Variants in DNER observed in about 807,000 individuals in gnomAD.
DNER encodes delta/notch like EGF repeat containing.
In DNER, 33 loss-of-function variants were observed where a neutral mutation model predicts 78.2. The observed-to-expected ratio is 0.42, with a 90% CI of 0.32 to 0.56. The LOEUF (loss-of-function observed/expected upper bound fraction) is 0.56, where lower values mean the gene tolerates loss of function less well. Ranked by LOEUF, DNER falls within the 20% of genes least tolerant of loss-of-function variation. The probability of loss-of-function intolerance (pLI) is 0.11; values close to 1 mark genes in which losing one functional copy is unlikely to be tolerated. For missense variants in DNER, 918 were observed against 975.3 expected, an observed-to-expected ratio of 0.94 and a Z score of 0.78; for synonymous variants, 417 against 384.8, an observed-to-expected ratio of 1.08 and a Z score of -0.98.
intron 4 of DNER, among the ~76,000 whole-genome samples, chr2:229,574,389 G>A (rs1360680907): frequency 6.6e-6 from 1 of 152,070 alleles, no homozygotes; most frequent in African/African-American, 2.4e-5. Flanking sequence ...ATAGTACATT[G>A]ATTCAATGGA....
chr2:229,408,954 T>G (rs993729472), intron 9 of DNER, among the ~76,000 whole-genome samples: 2 of 152,214 alleles, frequency 1.3e-5, no homozygotes, highest in South Asian at 2.1e-4. Context: ...TCCCACTGCC[T>G]CGTGCCTGGT....
At chr2:229,709,563 C>A (rs1263706339) in intron 1 of DNER, among the ~76,000 whole-genome samples, 1 of 152,090 alleles carries the variant, frequency 6.6e-6, no homozygotes, top group East Asian at 1.9e-4. Context: ...GTTAGCAAAC[C>A]TCAGTCAAAA....
intron 10 of DNER, among the ~76,000 whole-genome samples, chr2:229,405,375 C>A (rs1335446579): frequency 1.3e-5 from 2 of 152,062 alleles, no homozygotes; most frequent in Non-Finnish European, 2.9e-5. Flanking sequence ...ATGTATTCTC[C>A]TGTACCCTGG....
intron 11 of DNER, among the ~76,000 whole-genome samples, chr2:229,368,951 A>T (rs901109650): frequency 5.9e-5 from 9 of 152,260 alleles, no homozygotes; most frequent in African/African-American, 2.2e-4. Context: ...CAATAAAGAA[A>T]TATGCAATAC....
intron 4 of DNER, among the ~76,000 whole-genome samples, chr2:229,557,111 G>A (rs538835547): frequency 1.2e-4 from 19 of 152,252 alleles, no homozygotes; most frequent in African/African-American, 4.6e-4. Flanking sequence ...CCCTTACAAA[G>A]GGGCAGCAGG....
chr2:229,556,397 A>G (rs1256083758), intron 4 of DNER, among the ~76,000 whole-genome samples: 2 of 152,234 alleles, frequency 1.3e-5, no homozygotes, highest in Non-Finnish European at 2.9e-5. Context: ...TTCAGAATCT[A>G]TAGTCTTGGA....
At chr2:229,508,411 T>A (rs994369620) in intron 6 of DNER, among the ~76,000 whole-genome samples, 1 of 152,182 alleles carries the variant, frequency 6.6e-6, no homozygotes, top group Non-Finnish European at 1.5e-5. Context: ...TATATGGCAG[T>A]CAAGAACTCC....
At chr2:229,517,600 T>C (rs577104914) in intron 5 of DNER, among the ~76,000 whole-genome samples, 2 of 151,990 alleles carry the variant, frequency 1.3e-5, no homozygotes, top group African/African-American at 4.8e-5. Flanking sequence ...GTCGCTAGAG[T>C]ATAGCAAATA....
At position 229,714,466 on chromosome 2, in the gene DNER, A is replaced by ACGG. The variant is rs1252044036; in HGVS notation, c.-46_-44dup. 304 of 1,100,106 alleles carry ACGG rather than the reference A, an allele frequency of 2.8e-4. No individual in the cohort carries two copies. Among genetic ancestry groups the ACGG allele is most frequent in the Middle Eastern group, 1.2e-3 (3 of 2,528 alleles). 68.1% of individuals were successfully genotyped at this position (1,100,106 alleles called of 1,614,324 possible). On this transcript the variant is annotated 5_prime_UTR_variant, in exon 1 of 13. Coordinates refer to ENST00000341772, the MANE Select transcript of DNER (RefSeq NM_139072.4). ...CGGGAGCCGGAGCCAGGACGCAGTGACGGCGGCGGCGGTGGCAGTGGCGAC... is the reference window on the plus strand; with the variant it reads ...CGGGAGCCGGAGCCAGGACGCAGTGACGGCGGCGGCGGCGGTGGCAGTGGCGAC...
At chr2:229,438,604 ACT>A (rs1694174733) in intron 8 of DNER, among the ~76,000 whole-genome samples, 2 of 152,168 alleles carry the variant, frequency 1.3e-5, no homozygotes, top group Non-Finnish European at 2.9e-5. Flanking sequence ...GATAGTCGCT[ACT>A]CTAGTCAAAG....
chr2:229,526,548 G>T (rs1001729940), intron 5 of DNER, among the ~76,000 whole-genome samples: 1 of 152,174 alleles, frequency 6.6e-6, no homozygotes, highest in Non-Finnish European at 1.5e-5. Flanking sequence ...GGATGAAACT[G>T]TTCCACCTCA....
intron 4 of DNER, among the ~76,000 whole-genome samples, chr2:229,570,936 G>A (rs764414813): frequency 6.6e-6 from 1 of 152,148 alleles, no homozygotes; most frequent in African/African-American, 2.4e-5. Context: ...TTTTGTCTGT[G>A]TTTAAGTCTT....
At chr2:229,613,356 G>C (rs1698085709) in intron 1 of DNER, among the ~76,000 whole-genome samples, 1 of 152,190 alleles carries the variant, frequency 6.6e-6, no homozygotes, top group Admixed American at 6.5e-5. Context: ...CAGATCACCT[G>C]AATTACAGTC....
rs187770818 is a variant in DNER at position 229,450,278 on chromosome 2, G to A, written c.1262-2738C>T. Among the ~76,000 whole-genome samples the A allele has an allele frequency of 2.6e-3, 400 of 152,238 alleles. 1 individual carries two copies. The highest frequency in any genetic ancestry group is 0.024 in the Middle Eastern group (7 of 294). ...TAGGTGGGTGAGAACTTGATGGAAA[G>A]AATATCTAGGGAGGGTCAAAGATAA... On this transcript the variant is annotated intron_variant, in intron 7 of 12. Coordinates refer to ENST00000341772, the MANE Select transcript of DNER (RefSeq NM_139072.4).
chr2:229,363,363 G>C (rs952726677), intron 12 of DNER, among the ~76,000 whole-genome samples: 2 of 152,164 alleles, frequency 1.3e-5, no homozygotes, highest in African/African-American at 4.8e-5. Context: ...CCATAAAATG[G>C]ACACTGGCTG....
At chr2:229,404,568 T>A (rs1173757119) in intron 10 of DNER, among the ~76,000 whole-genome samples, 1 of 152,128 alleles carries the variant, frequency 6.6e-6, no homozygotes. Context: ...CTTAGCCATA[T>A]CAGATGATAT....
In DNER at chr2:229,487,188, T is replaced by C. The variant is rs142774102; in HGVS notation, c.1148-9935A>G. 2.9e-3 allele frequency among the ~76,000 whole-genome samples: 445 copies of C among 152,350 alleles called. 1 individual carries two copies. Among genetic ancestry groups the C allele is most frequent in the African/African-American group, 0.01 (424 of 41,580 alleles). Reference sequence around the variant, plus strand: ...GAGTGGGAGGTCTTGGGCTCAATTATTGCAACTGTCATTGCATTCTTCACA... The same window carrying C: ...GAGTGGGAGGTCTTGGGCTCAATTACTGCAACTGTCATTGCATTCTTCACA... On this transcript the variant is annotated intron_variant, in intron 6 of 12. Transcript: ENST00000341772.
At chr2:229,713,492 C>T (rs1042403037) in intron 1 of DNER, among the ~76,000 whole-genome samples, 1 of 152,222 alleles carries the variant, frequency 6.6e-6, no homozygotes, top group Non-Finnish European at 1.5e-5. Flanking sequence ...GCGGCCCTGC[C>T]AGCGCCACGT....
intron 4 of DNER, among the ~76,000 whole-genome samples, chr2:229,550,205 C>T (rs933503538): frequency 2.6e-5 from 4 of 151,798 alleles, no homozygotes; most frequent in Non-Finnish European, 4.4e-5. Context: ...GTTGGCCAGG[C>T]TGTTCTCGAA....
Sources: gnomAD v4.1 joint callset for allele counts (sites outside exome capture counted in the v4.1 genomes callset) on GRCh38, gnomAD v4.1.1 for gene constraint, MANE v1.5 for transcripts, NCBI Gene and HGNC (gene_info 2026-07-23, HGNC 2026-07-21) for gene names.